SYNE2: variants seen among roughly 807,000 people sequenced by gnomAD.
SYNE2 encodes nesprin-2.
Under a neutral mutation model 856.3 loss-of-function variants are expected in SYNE2, and 431 were observed. That is an observed-to-expected ratio of 0.50 (90% CI 0.47 to 0.55). SYNE2 has a LOEUF of 0.55. Ranked by LOEUF, SYNE2 falls within the 20% of genes least tolerant of loss-of-function variation. SYNE2 has a pLI of 0.00. For synonymous variants in SYNE2, 2,923 were observed against 2,872.3 expected (o/e 1.02, Z -0.56); for missense variants, 8,129 against 8,023.2 (o/e 1.01, Z -0.50).
chr14:63,887,766 T>TA lies in SYNE2; in HGVS notation c.-51-21332_-51-21331insA, dbSNP rs554225445. 5.8e-4 allele frequency among the ~76,000 whole-genome samples: 86 copies of TA among 148,996 alleles called. 1 individual carries two copies. In the South Asian group the frequency reaches 0.016, roughly 27 times the overall value. ...GAGTCCTGCTTTTTTTTTTTTTTTT[T>TA]TTTTGAGATGGAGTCTTGCTCTGTC... On this transcript the variant is annotated intron_variant, in intron 1 of 115. Coordinates refer to ENST00000555002, the MANE Select transcript of SYNE2 (RefSeq NM_182914.3).
chr14:64,225,216 C>G, intron 115 of SYNE2, 103 bp from the exon 116 acceptor site: 3 of 1,591,348 alleles, frequency 1.9e-6, no homozygotes, highest in Middle Eastern at 1.7e-4. Flanking sequence ...CTATTTAAAT[C>G]TCAGGTCTTG....
chr14:63,856,658 T>C (rs1891821314), intron 1 of SYNE2, among the ~76,000 whole-genome samples: 1 of 152,224 alleles, frequency 6.6e-6, no homozygotes, highest in African/African-American at 2.4e-5. Flanking sequence ...TTCCCCTCCT[T>C]TTTTTCTTTT....
At chr14:63,824,802 A>G (rs1338954369) in intron 1 of SYNE2, among the ~76,000 whole-genome samples, 1 of 152,032 alleles carries the variant, frequency 6.6e-6, no homozygotes, top group African/African-American at 2.4e-5. Flanking sequence ...CACACCCACT[A>G]TGCACCCACA....
In SYNE2 at chr14:64,129,806, C is replaced by T. The variant is rs184218195; in HGVS notation, c.14044C>T (p.Leu4682=). 46 of 1,614,128 alleles carry T rather than the reference C, an allele frequency of 2.8e-5. No individual in the cohort carries two copies. In the East Asian group the frequency reaches 7.1e-4, roughly 25 times the overall value. Residue 4682 remains leucine, a synonymous_variant, in exon 75 of 116, where the codon CTG becomes TTG. Coordinates refer to ENST00000555002, the MANE Select transcript of SYNE2 (RefSeq NM_182914.3). The stretch of plus-strand genomic sequence containing the variant: ...GAAAGCAGATGCATATACAGTGGAG[C>T]TGGAGAACGCCGAGAGCCGAGTGGC... The part of the protein sequence containing the change: ...LQKADAYTVE[L]ENAESRVAKL...
At chr14:63,920,519 G>C (rs537470151) in intron 2 of SYNE2, among the ~76,000 whole-genome samples, 3 of 150,396 alleles carry the variant, frequency 2.0e-5, no homozygotes, top group Non-Finnish European at 4.4e-5. Context: ...AACATATAGG[G>C]GTCTGGAATT....
intron 2 of SYNE2, among the ~76,000 whole-genome samples, chr14:63,913,295 T>A (rs1432050489): frequency 1.3e-5 from 2 of 151,992 alleles, no homozygotes; most frequent in African/African-American, 2.4e-5. Context: ...GAGGATGGTG[T>A]TGGACTGTTT....
At chr14:64,121,427 G>A (rs951140768) in intron 68 of SYNE2, among the ~76,000 whole-genome samples, 2 of 152,160 alleles carry the variant, frequency 1.3e-5, no homozygotes, top group Non-Finnish European at 2.9e-5. Context: ...GGAGGCTGAG[G>A]CACAAGAATC....
intron 62 of SYNE2, 35 bp from the exon 63 acceptor site, chr14:64,098,712 G>A: frequency 1.2e-6 from 2 of 1,608,232 alleles, no homozygotes; most frequent in Non-Finnish European, 1.7e-6. Flanking sequence ...TGACTGGCAA[G>A]CAGACTGCAG....
At chr14:63,969,739 T>A (rs1383172935) in intron 11 of SYNE2, among the ~76,000 whole-genome samples, 1 of 152,142 alleles carries the variant, frequency 6.6e-6, no homozygotes, top group African/African-American at 2.4e-5. Flanking sequence ...GCTTCCAAAT[T>A]ACAAATATTA....
intron 79 of SYNE2, 79 bp downstream of exon 79, chr14:64,138,062 T>C (rs1309377002): frequency 1.3e-6 from 2 of 1,506,196 alleles, no homozygotes; most frequent in Non-Finnish European, 1.8e-6. Flanking sequence ...CAACTAAATT[T>C]TACCTGCAAC....
chr14:63,849,523 C>T (rs1173362366), upstream of SYNE2, among the ~76,000 whole-genome samples: 1 of 152,152 alleles, frequency 6.6e-6, no homozygotes, highest in Non-Finnish European at 1.5e-5. Context: ...AGTCATTAAT[C>T]AACTTGTATA....
At chr14:63,874,434 A>C (rs1309239237) in intron 1 of SYNE2, among the ~76,000 whole-genome samples, 1 of 152,074 alleles carries the variant, frequency 6.6e-6, no homozygotes, top group African/African-American at 2.4e-5. Context: ...TTGGGAGCTA[A>C]CAAAGTACCA....
At chr14:64,158,100 G>A (rs1010079612) in intron 85 of SYNE2, among the ~76,000 whole-genome samples, 1 of 152,156 alleles carries the variant, frequency 6.6e-6, no homozygotes, top group Non-Finnish European at 1.5e-5. Flanking sequence ...CATCATTTTG[G>A]TAGAGCATGT....
At chr14:63,857,236 G>A (rs1892048331) in intron 1 of SYNE2, among the ~76,000 whole-genome samples, 1 of 152,138 alleles carries the variant, frequency 6.6e-6, no homozygotes, top group Non-Finnish European at 1.5e-5. Flanking sequence ...GAATCATGTA[G>A]TAAGTTCTCT....
intron 27 of SYNE2, among the ~76,000 whole-genome samples, chr14:64,000,347 G>A (rs1001956908): frequency 1.3e-5 from 2 of 152,148 alleles, no homozygotes; most frequent in African/African-American, 2.4e-5. Flanking sequence ...CGACTCCCTT[G>A]ACTTTACTGA....
intron 7 of SYNE2, among the ~76,000 whole-genome samples, chr14:63,950,811 C>G (rs953849473): frequency 8.6e-5 from 13 of 151,974 alleles, no homozygotes; most frequent in Non-Finnish European, 1.3e-4. Flanking sequence ...TGCACACCAC[C>G]ATGTCTGGCT....
At chr14:63,923,013 A>AT (rs2095619478) in intron 2 of SYNE2, among the ~76,000 whole-genome samples, 1 of 152,208 alleles carries the variant, frequency 6.6e-6, no homozygotes. Flanking sequence ...ACATACCTTG[A>AT]TTTTTCAAAA....
At chr14:64,102,632 A>G (rs1595536039) in intron 64 of SYNE2, among the ~76,000 whole-genome samples, 1 of 150,542 alleles carries the variant, frequency 6.6e-6, no homozygotes, top group East Asian at 2.0e-4. Context: ...TACCTCACAT[A>G]TTTGTCATCT....
intron 16 of SYNE2, among the ~76,000 whole-genome samples, chr14:63,982,300 A>T (rs1490244175): frequency 1.3e-5 from 2 of 152,238 alleles, no homozygotes; most frequent in South Asian, 2.1e-4. Flanking sequence ...GATAAGATGC[A>T]TCATAAAAGT....
Sources: gnomAD v4.1 joint callset for allele counts (sites outside exome capture counted in the v4.1 genomes callset) on GRCh38, gnomAD v4.1.1 for gene constraint, MANE v1.5 for transcripts, NCBI Gene and HGNC (gene_info 2026-07-23, HGNC 2026-07-21) for gene names.